The following SEL1L3 variants were observed in gnomAD, a reference collection of about 807,000 sequenced individuals.
The protein encoded by SEL1L3 is SEL1L family member 3.
SEL1L3 carries 76 observed loss-of-function variants against 142.8 expected under a neutral mutation model. The ratio of observed to expected loss-of-function variants is 0.53; its 90% confidence interval spans 0.44 to 0.64. SEL1L3 has a LOEUF of 0.64. SEL1L3 is among the 30% of genes least tolerant of loss of function. The pLI is 0.00. For synonymous variants in SEL1L3, 504 were observed against 519.6 expected, an observed-to-expected ratio of 0.97 and a Z score of 0.41; for missense variants, 1,262 against 1,381.7, an observed-to-expected ratio of 0.91 and a Z score of 1.37.
the SEL1L3 span, among the ~76,000 whole-genome samples, chr4:25,739,962 T>C: frequency 4.6e-5 from 7 of 151,810 alleles, no homozygotes; most frequent in Non-Finnish European, 7.4e-5. Context: ...AATTAATTAA[T>C]TAATTAATTT....
At chr4:25,811,392 C>T (rs188207872) in intron 9 of SEL1L3, among the ~76,000 whole-genome samples, 13 of 152,120 alleles carry the variant, frequency 8.5e-5, no homozygotes, top group Admixed American at 5.9e-4. Flanking sequence ...AAAGAGCAGC[C>T]GCTCCTCAGA....
At chr4:25,848,922 T>A (rs1448468118) in intron 1 of SEL1L3, among the ~76,000 whole-genome samples, 2 of 152,208 alleles carry the variant, frequency 1.3e-5, no homozygotes, top group African/African-American at 2.4e-5. Flanking sequence ...GTGGATCACT[T>A]GAGGTCAGGA....
chr4:25,759,506 C>A (rs1304420461), intron 20 of SEL1L3: 1 of 160,476 alleles, frequency 6.2e-6, no homozygotes, highest in Non-Finnish European at 1.4e-5. Flanking sequence ...CAATGACTGA[C>A]AACCCAAGGC....
chr4:25,818,207 A>T lies in SEL1L3; in HGVS notation c.1495T>A (p.Trp499Arg), dbSNP rs1228461116. 6.2e-6 allele frequency: 10 copies of T among 1,606,552 alleles called. No homozygotes were observed. Among genetic ancestry groups the T allele is most frequent in the Non-Finnish European group, 8.5e-6 (10 of 1,176,520 alleles). Residue 499 changes from tryptophan to arginine, a missense_variant, in exon 9 of 24, where the codon TGG becomes AGG. Around this residue, in one of 3 missense-constraint regions of SEL1L3, gnomAD observed 689 missense variants for 692.8 expected, o/e 0.99. Coordinates refer to ENST00000399878, the MANE Select transcript of SEL1L3 (RefSeq NM_015187.5). ...TGTTTGTCTTTCAGCTCCTTCTCCC[A>T]GGGGAAGGCTCTGCACATCGAGGGT... ...GRPSMCRAFPWEKELKDKHPS... is the reference protein window; with the variant it reads ...GRPSMCRAFPREKELKDKHPS...
In SEL1L3 at chr4:25,831,071, T is replaced by C. The variant is rs150434398; in HGVS notation, c.1099-915A>G. 9.7e-3 allele frequency among the ~76,000 whole-genome samples: 1,468 copies of C among 152,116 alleles called. 29 individuals are homozygous for C. Among genetic ancestry groups the C allele is most frequent in the African/African-American group, 0.033 (1,374 of 41,492 alleles). ...TAAAGTCTACACACACCAAAAAAAA[T>C]TTTTTGCCCCCACTTATCTGGTCTT... On this transcript the variant is annotated intron_variant, in intron 5 of 23. Coordinates refer to ENST00000399878, the MANE Select transcript of SEL1L3 (RefSeq NM_015187.5).
chr4:25,795,834 G>A (rs1015225534), intron 11 of SEL1L3, among the ~76,000 whole-genome samples: 2 of 152,062 alleles, frequency 1.3e-5, no homozygotes, highest in Non-Finnish European at 2.9e-5. Flanking sequence ...TCGGAGGCAG[G>A]AATGACCTTT....
chr4:25,814,702 C>G (rs1372665396), intron 9 of SEL1L3, among the ~76,000 whole-genome samples: 2 of 152,130 alleles, frequency 1.3e-5, no homozygotes, highest in Non-Finnish European at 2.9e-5. Context: ...TAGCGTCACA[C>G]TCGTCTTACT....
the SEL1L3 span, among the ~76,000 whole-genome samples, chr4:25,732,489 T>C: frequency 6.6e-6 from 1 of 152,340 alleles, no homozygotes; most frequent in East Asian, 1.9e-4. Context: ...CCAGTTGTTT[T>C]AAGTCATTGC....
intron 8 of SEL1L3, among the ~76,000 whole-genome samples, chr4:25,819,227 G>A (rs1248764546): frequency 1.3e-5 from 2 of 152,230 alleles, no homozygotes; most frequent in Non-Finnish European, 2.9e-5. Context: ...CCCTGTGTGA[G>A]TAAAAGGATG....
intron 2 of SEL1L3, 120 bp from the exon 3 acceptor site, chr4:25,835,443 A>G: frequency 9.7e-7 from 1 of 1,029,344 alleles, no homozygotes. Context: ...GATACCCTAA[A>G]AATATTAGCA....
Position 25,778,686 on chromosome 4 carries a change from G to A in SEL1L3, c.2585+390C>T, listed in dbSNP as rs1489814837. 2.0e-5 allele frequency among the ~76,000 whole-genome samples: 3 copies of A among 152,150 alleles called. No individual in the cohort carries two copies. The East Asian group carries it at 5.8e-4, about 29-fold the overall frequency. On this transcript the variant is annotated intron_variant, in intron 16 of 23. Transcript: ENST00000399878. ...AAAGAAAACTACATCTTTATCCTTC[G>A]CAGTGGGACATCATTAGACAATGCC... is the stretch of plus-strand genomic sequence containing the variant.
chr4:25,852,786 A>G (rs943283156), intron 1 of SEL1L3, among the ~76,000 whole-genome samples: 2 of 152,190 alleles, frequency 1.3e-5, no homozygotes, highest in Admixed American at 6.5e-5. Flanking sequence ...TGTATACCTT[A>G]AAAACTCACC....
chr4:25,817,744 T>C (rs1714481654), intron 9 of SEL1L3, among the ~76,000 whole-genome samples: 1 of 152,066 alleles, frequency 6.6e-6, no homozygotes, highest in South Asian at 2.1e-4. Context: ...TTTGTTTTTT[T>C]CTTCTTTTTT....
At chr4:25,749,439 T>C (rs1717446065) in intron 23 of SEL1L3, among the ~76,000 whole-genome samples, 1 of 152,180 alleles carries the variant, frequency 6.6e-6, no homozygotes, top group Admixed American at 6.5e-5. Flanking sequence ...ATTTAAATCT[T>C]TGGTAAGAGC....
downstream of SEL1L3, among the ~76,000 whole-genome samples, chr4:25,746,536 ATATATTCAAATG>A (rs1366852760): frequency 8.3e-4 from 104 of 124,738 alleles, 2 homozygotes; most frequent in East Asian, 5.2e-3. Context: ...ATTTAAATAT[ATATATTCAAATG>A]TATATATTTA....
At chr4:25,737,643 CA>C in the SEL1L3 span, among the ~76,000 whole-genome samples, 2 of 152,160 alleles carry the variant, frequency 1.3e-5, no homozygotes, top group African/African-American at 4.8e-5. Flanking sequence ...AACAAAAATA[CA>C]GTAGTGTCTC....
downstream of SEL1L3, among the ~76,000 whole-genome samples, chr4:25,743,473 G>T (rs923287877): frequency 6.6e-6 from 1 of 152,126 alleles, no homozygotes; most frequent in Non-Finnish European, 1.5e-5. Flanking sequence ...GTCCCAGAAA[G>T]TCGTGACGAC....
chr4:25,855,473 G>C (rs1717192442), intron 1 of SEL1L3, among the ~76,000 whole-genome samples: 3 of 152,152 alleles, frequency 2.0e-5, no homozygotes, highest in Non-Finnish European at 4.4e-5. Context: ...TAAAGCACTG[G>C]GGCTGGGCAC....
intron 1 of SEL1L3, among the ~76,000 whole-genome samples, chr4:25,858,568 T>C (rs184863752): frequency 9.3e-4 from 141 of 151,672 alleles, no homozygotes; most frequent in African/African-American, 3.2e-3. Context: ...TTTTGTTTTT[T>C]TTGATTTTTT....
Sources: gnomAD v4.1 joint callset for allele counts (sites outside exome capture counted in the v4.1 genomes callset) on GRCh38, gnomAD v4.1.1 for gene constraint, gnomAD v4.1.1 regional missense constraint, MANE v1.5 for transcripts, NCBI Gene and HGNC (gene_info 2026-07-23, HGNC 2026-07-21) for gene names.